The following GRID1 variants were observed in gnomAD, a reference collection of about 807,000 sequenced individuals.
The protein encoded by GRID1 is glutamate ionotropic receptor delta type subunit 1.
GRID1 carries 28 observed loss-of-function variants against 98.0 expected under a neutral mutation model. The ratio of observed to expected loss-of-function variants is 0.29; its 90% CI spans 0.21 to 0.39. The LOEUF is 0.39. Among genes scored for constraint, GRID1 ranks in the 10% least tolerant of loss-of-function variants. The pLI is 1.00. For missense variants in GRID1, 1,111 were observed against 1,340.5 expected, an observed-to-expected ratio of 0.83 and a Z score of 2.67; for synonymous variants, 553 against 538.5, an observed-to-expected ratio of 1.03 and a Z score of -0.37.
chr10:85,640,029 G>A (rs946169570), intron 13 of GRID1, among the ~76,000 whole-genome samples: 4 of 152,064 alleles, frequency 2.6e-5, no homozygotes, highest in Admixed American at 6.6e-5. Context: ...CAGACCTTCC[G>A]CAAGTATCAC....
intron 2 of GRID1, among the ~76,000 whole-genome samples, chr10:86,263,581 G>A (rs1346055824): frequency 6.6e-6 from 1 of 152,186 alleles, no homozygotes; most frequent in Non-Finnish European, 1.5e-5. Flanking sequence ...CCACTGCCTG[G>A]GCTGGAATCC....
chr10:86,262,137 G>A (rs534138398), intron 2 of GRID1, among the ~76,000 whole-genome samples: 1 of 152,350 alleles, frequency 6.6e-6, no homozygotes, highest in South Asian at 2.1e-4. Flanking sequence ...CTTCTAGAAG[G>A]AGGAGGAAGC....
At chr10:85,984,452 G>C (rs1842584960) in intron 4 of GRID1, among the ~76,000 whole-genome samples, 1 of 152,184 alleles carries the variant, frequency 6.6e-6, no homozygotes, top group African/African-American at 2.4e-5. Context: ...CCTGGGTGCT[G>C]AGAGGTCTGG....
At chr10:86,048,078 A>G (rs1018624991) in intron 4 of GRID1, among the ~76,000 whole-genome samples, 2 of 152,158 alleles carry the variant, frequency 1.3e-5, no homozygotes, top group African/African-American at 2.4e-5. Flanking sequence ...ACACAAATGA[A>G]CATGTGTTCA....
chr10:86,095,653 A>T (rs1052402805), intron 4 of GRID1, among the ~76,000 whole-genome samples: 2 of 152,258 alleles, frequency 1.3e-5, no homozygotes, highest in African/African-American at 4.8e-5. Context: ...TCAAAACCAC[A>T]ATGCAATACC....
chr10:85,708,523 A>G (rs924319434), intron 12 of GRID1, among the ~76,000 whole-genome samples: 1 of 152,258 alleles, frequency 6.6e-6, no homozygotes, highest in Admixed American at 6.5e-5. Context: ...AGGTAAACTC[A>G]TAAGAATAGT....
At chr10:86,212,339 C>T (rs927162554) in intron 2 of GRID1, among the ~76,000 whole-genome samples, 1 of 152,202 alleles carries the variant, frequency 6.6e-6, no homozygotes, top group African/African-American at 2.4e-5. Context: ...CCCCCTCAAC[C>T]GGCAGCTCCT....
At chr10:86,326,503 T>C (rs377678719) in intron 2 of GRID1, among the ~76,000 whole-genome samples, 3 of 152,142 alleles carry the variant, frequency 2.0e-5, no homozygotes, top group African/African-American at 7.2e-5. Context: ...TTCTGAAAAA[T>C]CGGAGGGAAA....
At chr10:85,997,546 C>A (rs1460423599) in intron 4 of GRID1, among the ~76,000 whole-genome samples, 3 of 152,030 alleles carry the variant, frequency 2.0e-5, no homozygotes, top group Non-Finnish European at 4.4e-5. Context: ...ATATTGTAAT[C>A]TCCAAAGCAA....
chr10:86,032,212 G>A (rs1843195345), intron 4 of GRID1, among the ~76,000 whole-genome samples: 1 of 151,908 alleles, frequency 6.6e-6, no homozygotes, highest in Non-Finnish European at 1.5e-5. Flanking sequence ...AGGTGGGGGG[G>A]CAGCCCCCGC....
At chr10:86,040,618 A>G (rs1843332201) in intron 4 of GRID1, among the ~76,000 whole-genome samples, 1 of 152,088 alleles carries the variant, frequency 6.6e-6, no homozygotes, top group Non-Finnish European at 1.5e-5. Context: ...AGGTTGGCCA[A>G]TGAGTACATT....
chr10:86,230,993 G>T (rs1176140792), intron 2 of GRID1, among the ~76,000 whole-genome samples: 1 of 152,194 alleles, frequency 6.6e-6, no homozygotes, highest in African/African-American at 2.4e-5. Context: ...GGTTCCATGA[G>T]ACTTTCCCGA....
intron 2 of GRID1, among the ~76,000 whole-genome samples, chr10:86,363,166 G>C (rs76140387): frequency 0.018 from 2,738 of 152,374 alleles, 74 homozygotes; most frequent in African/African-American, 0.063. Flanking sequence ...GGGGGTTGCT[G>C]TCGTGAACGC....
At chr10:85,858,152 G>C (rs1292611117) in intron 6 of GRID1, among the ~76,000 whole-genome samples, 1 of 152,212 alleles carries the variant, frequency 6.6e-6, no homozygotes, top group Non-Finnish European at 1.5e-5. Context: ...GTCTGCCACT[G>C]TCCTGTCCCC....
intron 4 of GRID1, among the ~76,000 whole-genome samples, chr10:86,013,174 C>T (rs564746582): frequency 1.3e-5 from 2 of 152,286 alleles, no homozygotes; most frequent in African/African-American, 4.8e-5. Context: ...ATATCTTCAG[C>T]AGTAAGATAA....
intron 4 of GRID1, among the ~76,000 whole-genome samples, chr10:86,073,816 C>T (rs1843839148): frequency 6.6e-6 from 1 of 152,208 alleles, no homozygotes; most frequent in Non-Finnish European, 1.5e-5. Flanking sequence ...GACCCACATG[C>T]CCTGCCTGGC....
At chr10:85,839,337 C>T (rs1023641184) in intron 8 of GRID1, among the ~76,000 whole-genome samples, 23 of 152,168 alleles carry the variant, frequency 1.5e-4, no homozygotes, top group African/African-American at 5.3e-4. Context: ...ACAGAATAAA[C>T]ATCTTCTCAT....
intron 4 of GRID1, among the ~76,000 whole-genome samples, chr10:85,970,986 G>A (rs1483006278): frequency 6.6e-6 from 1 of 151,846 alleles, no homozygotes; most frequent in Non-Finnish European, 1.5e-5. Flanking sequence ...AATAAATTCT[G>A]CAAGGTTGCA....
At chr10:85,666,085 A>G (rs542704206) in intron 12 of GRID1, among the ~76,000 whole-genome samples, 8 of 152,218 alleles carry the variant, frequency 5.3e-5, no homozygotes, top group Non-Finnish European at 1.2e-4. Flanking sequence ...AAAGAACTAC[A>G]CCACCACTTT....
Sources: gnomAD v4.1 joint callset for allele counts (sites outside exome capture counted in the v4.1 genomes callset) on GRCh38, gnomAD v4.1.1 for gene constraint, MANE v1.5 for transcripts, NCBI Gene and HGNC (gene_info 2026-07-23, HGNC 2026-07-21) for gene names.